The following SCTR variants were observed in gnomAD, a reference collection of about 807,000 sequenced individuals.
SCTR encodes the protein pancreatic secretin receptor.
A neutral mutation model predicts 60.8 loss-of-function variants in SCTR; 56 were observed. That is an observed-to-expected ratio of 0.92 (90% confidence interval 0.74 to 1.15). The LOEUF is 1.15. SCTR is among the 50% of genes most tolerant of loss of function. The pLI is 0.00. For missense variants in SCTR, 562 were observed against 550.4 expected, an observed-to-expected ratio of 1.02 and a Z score of -0.21; for synonymous variants, 202 against 217.0, an observed-to-expected ratio of 0.93 and a Z score of 0.61.
chr2:119,476,036 G>T (rs1160481547), intron 3 of SCTR, among the ~76,000 whole-genome samples: 1 of 152,128 alleles, frequency 6.6e-6, no homozygotes, highest in East Asian at 1.9e-4. Flanking sequence ...GGTTTCTCCA[G>T]TCACATGGAC....
At chr2:119,521,826 A>G (rs1232972389) in intron 1 of SCTR, among the ~76,000 whole-genome samples, 1 of 152,146 alleles carries the variant, frequency 6.6e-6, no homozygotes, top group African/African-American at 2.4e-5. Flanking sequence ...AGGGCTCCAG[A>G]GGCTGGGAAA....
At chr2:119,481,734 C>T (rs1410994932) in intron 2 of SCTR, among the ~76,000 whole-genome samples, 1 of 152,210 alleles carries the variant, frequency 6.6e-6, no homozygotes, top group Non-Finnish European at 1.5e-5. Context: ...CCTGTGCCTA[C>T]GATGGGCCAG....
chr2:119,454,790 G>A (rs866554879), intron 7 of SCTR, among the ~76,000 whole-genome samples: 1 of 151,294 alleles, frequency 6.6e-6, no homozygotes, highest in African/African-American at 2.4e-5. Flanking sequence ...GGAGGCGGAG[G>A]TTGCAGTGAG....
intron 6 of SCTR, among the ~76,000 whole-genome samples, chr2:119,463,525 C>T (rs911635825): frequency 1.3e-5 from 2 of 152,140 alleles, no homozygotes; most frequent in Non-Finnish European, 2.9e-5. Flanking sequence ...CATTGCACCA[C>T]CTCATCTGTG....
intron 6 of SCTR, 53 bp downstream of exon 6, chr2:119,464,070 G>A: frequency 6.3e-7 from 1 of 1,599,144 alleles, no homozygotes; most frequent in Non-Finnish European, 8.6e-7. Context: ...CCAAAGCTAG[G>A]CTGGGGAAGG....
intron 3 of SCTR, among the ~76,000 whole-genome samples, chr2:119,474,912 G>T (rs1200873741): frequency 6.6e-6 from 1 of 152,210 alleles, no homozygotes; most frequent in Non-Finnish European, 1.5e-5. Flanking sequence ...CTGGAGCGCA[G>T]GTTTAGAAGC....
Position 119,461,853 on chromosome 2 carries a change from C to G in SCTR, c.784G>C (p.Gly262Arg). The G allele has an allele frequency of 6.2e-7, 1 of 1,612,190 alleles. No individual in the cohort carries two copies. Among genetic ancestry groups the G allele is most frequent in the Non-Finnish European group, 8.5e-7 (1 of 1,179,012 alleles). ...RKYLQGFVAFGWGSPAIFVAL... is the reference protein window; with the variant it reads ...RKYLQGFVAFRWGSPAIFVAL... ...GACCCAGGGAGAAACATACCCCATC[C>G]GAATGCCACAAATCCCTGGAGGTAC... Residue 262 changes from glycine to arginine, a missense_variant, in exon 7 of 13, where the codon GGA becomes CGA. Transcript: ENST00000019103.
chr2:119,474,669 G>C (rs944036182), intron 3 of SCTR, among the ~76,000 whole-genome samples: 2 of 152,246 alleles, frequency 1.3e-5, no homozygotes, highest in Admixed American at 6.5e-5. Context: ...CTGGCTAACA[G>C]GGTTTAGGGT....
intron 7 of SCTR, among the ~76,000 whole-genome samples, chr2:119,456,209 C>T (rs1683371899): frequency 6.6e-6 from 1 of 151,894 alleles, no homozygotes; most frequent in Admixed American, 6.6e-5. Flanking sequence ...TACAGGCACC[C>T]ACCACCACCC....
intron 2 of SCTR, among the ~76,000 whole-genome samples, chr2:119,481,101 T>C (rs778820740): frequency 6.6e-6 from 1 of 152,212 alleles, no homozygotes; most frequent in African/African-American, 2.4e-5. Flanking sequence ...CCAGGCCTGT[T>C]CCTTTTTCAT....
At chr2:119,507,855 T>G (rs1383683883) in intron 1 of SCTR, among the ~76,000 whole-genome samples, 7 of 151,922 alleles carry the variant, frequency 4.6e-5, no homozygotes, top group Non-Finnish European at 7.4e-5. Context: ...ATTTTTGTAT[T>G]TTTAGTAGAG....
At position 119,508,135 on chromosome 2, in the gene SCTR, A is replaced by G. The variant is rs546129754; in HGVS notation, c.73-13587T>C. Reference sequence around the variant, plus strand: ...GATTCTAGCAATGGATTGGAGTGAAAAACACATGTGCAAATTCTGTCTCAT... The same window carrying G: ...GATTCTAGCAATGGATTGGAGTGAAGAACACATGTGCAAATTCTGTCTCAT... On this transcript the variant is annotated intron_variant, in intron 1 of 12. Transcript: ENST00000019103. Among the ~76,000 whole-genome samples, 4 of 152,232 alleles carry G rather than the reference A, an allele frequency of 2.6e-5. No individual in the cohort carries two copies. In the South Asian group the frequency reaches 8.3e-4, roughly 32 times the overall value.
Position 119,524,473 on chromosome 2 carries a change from C to T in SCTR, c.-247G>A, listed in dbSNP as rs1679393542. The stretch of plus-strand genomic sequence containing the variant: ...GCTTTGCCGGCGCGCCTCCTCCACC[C>T]GGCAGGGACTGGCGCGGGGTCGGCG... On this transcript the variant is annotated 5_prime_UTR_variant, in exon 1 of 13. Transcript: ENST00000019103. 3 of 349,574 alleles carry T rather than the reference C, an allele frequency of 8.6e-6. No homozygotes were observed. Among genetic ancestry groups the T allele is most frequent in the Non-Finnish European group, 1.5e-5 (3 of 195,394 alleles). 21.7% of individuals were successfully genotyped at this position (349,574 alleles called of 1,614,324 possible).
At chr2:119,475,727 A>AATATATAG (rs1167224885) in intron 3 of SCTR, among the ~76,000 whole-genome samples, 1 of 147,686 alleles carries the variant, frequency 6.8e-6, no homozygotes, top group Non-Finnish European at 1.5e-5. Context: ...CATATATATA[A>AATATATAG]ATATATAGAT....
At chr2:119,442,997 C>A (rs1682712906) in intron 11 of SCTR, among the ~76,000 whole-genome samples, 1 of 152,136 alleles carries the variant, frequency 6.6e-6, no homozygotes. Flanking sequence ...CTTCACCTCA[C>A]AAGCGAGGGA....
chr2:119,479,068 G>A, intron 2 of SCTR, 150 bp from the exon 3 acceptor site: 1 of 1,465,890 alleles, frequency 6.8e-7, no homozygotes, highest in Non-Finnish European at 9.0e-7. Context: ...TCAGGATCAG[G>A]AACCTATCCT....
At chr2:119,509,739 A>G (rs1399513291) in intron 1 of SCTR, among the ~76,000 whole-genome samples, 1 of 152,146 alleles carries the variant, frequency 6.6e-6, no homozygotes, top group Non-Finnish European at 1.5e-5. Flanking sequence ...AATGTTGTGC[A>G]ACCATCCCCA....
At chr2:119,449,679 G>A (rs1683070400) in intron 9 of SCTR, among the ~76,000 whole-genome samples, 1 of 152,082 alleles carries the variant, frequency 6.6e-6, no homozygotes, top group Non-Finnish European at 1.5e-5. Flanking sequence ...GCAGGGATCA[G>A]TGGAATCACC....
intron 1 of SCTR, among the ~76,000 whole-genome samples, chr2:119,513,507 A>G (rs1416261682): frequency 6.6e-6 from 1 of 152,212 alleles, no homozygotes; most frequent in Non-Finnish European, 1.5e-5. Flanking sequence ...ACAAAAACAT[A>G]CATTACATAT....
Sources: allele counts gnomAD v4.1 joint callset (sites outside exome capture counted in the v4.1 genomes callset), GRCh38; gene constraint gnomAD v4.1.1; transcripts MANE v1.5; gene names NCBI Gene and HGNC (gene_info 2026-07-23, HGNC 2026-07-21).